SPIDR: variants seen among roughly 807,000 people sequenced by gnomAD.
SPIDR encodes scaffold protein involved in DNA repair.
A neutral mutation model predicts 104.6 loss-of-function variants in SPIDR; 93 were observed. The ratio of observed to expected loss-of-function variants is 0.89; its 90% CI spans 0.75 to 1.06. The LOEUF is 1.06. Among genes scored for constraint, SPIDR ranks in the 50% least tolerant of loss-of-function variants. The pLI is 0.00. For missense variants in SPIDR, 1,154 were observed against 1,111.2 expected (o/e 1.04, Z -0.55); for synonymous variants, 431 against 416.9 (o/e 1.03, Z -0.41).
chr8:47,674,092 CT>C, intron 11 of SPIDR, 151 bp downstream of exon 11: 1 of 868,008 alleles, frequency 1.2e-6, no homozygotes, highest in South Asian at 2.2e-5. Context: ...TGAGTGGAAT[CT>C]ATAAAGTATC....
Position 47,279,871 on chromosome 8 carries a change from A to T in SPIDR, c.43A>T (p.Ser15Cys). 1 of 1,608,744 alleles carries T rather than the reference A, an allele frequency of 6.2e-7. No individual in the cohort carries two copies. The highest frequency in any genetic ancestry group is 8.5e-7 in the Non-Finnish European group (1 of 1,177,380). Residue 15 changes from serine to cysteine, a missense_variant, in exon 2 of 20, where the codon AGT becomes TGT. By Grantham distance (112) the Ser-to-Cys change is moderately radical (BLOSUM62 -1). Transcript: ENST00000297423. ...SRARGSKRKR[S>C]WNTECPSFPG... The stretch of plus-strand genomic sequence containing the variant: ...AAAATCATCTCCACAGAGAAAAAGG[A>T]GTTGGAATACAGAATGCCCATCCTT...
At chr8:47,350,971 A>G (rs1301594319) in intron 5 of SPIDR, among the ~76,000 whole-genome samples, 1 of 152,102 alleles carries the variant, frequency 6.6e-6, no homozygotes, top group African/African-American at 2.4e-5. Context: ...ATTCTGTCTC[A>G]TCTGGGACAT....
intron 8 of SPIDR, among the ~76,000 whole-genome samples, chr8:47,461,175 T>A (rs1554713286): frequency 6.6e-6 from 1 of 152,264 alleles, no homozygotes. Flanking sequence ...TTCGTTCTTG[T>A]ATTTGGATGT....
intron 5 of SPIDR, among the ~76,000 whole-genome samples, chr8:47,346,599 G>T (rs2052106388): frequency 6.6e-6 from 1 of 152,066 alleles, no homozygotes; most frequent in African/African-American, 2.4e-5. Context: ...TCTGGTCCTG[G>T]ACTTTTTTTG....
At chr8:47,540,436 TA>T (rs1250000776) in intron 8 of SPIDR, among the ~76,000 whole-genome samples, 9 of 152,232 alleles carry the variant, frequency 5.9e-5, no homozygotes, top group Admixed American at 5.9e-4. Flanking sequence ...AAACTTATTT[TA>T]CCAGGAAAAG....
chr8:47,530,471 C>G (rs1247780655), intron 8 of SPIDR, among the ~76,000 whole-genome samples: 1 of 151,652 alleles, frequency 6.6e-6, no homozygotes, highest in African/African-American at 2.4e-5. Context: ...CCTTTAGAAC[C>G]ATGGTGTCAG....
chr8:47,465,935 A>G (rs1442860787), intron 8 of SPIDR, among the ~76,000 whole-genome samples: 1 of 152,220 alleles, frequency 6.6e-6, no homozygotes, highest in Non-Finnish European at 1.5e-5. Context: ...GAATCACATT[A>G]CATAATGGTA....
intron 8 of SPIDR, among the ~76,000 whole-genome samples, chr8:47,488,744 C>CA (rs554694125): frequency 9.2e-5 from 14 of 152,136 alleles, no homozygotes; most frequent in Non-Finnish European, 1.6e-4. Flanking sequence ...GAACCAAAGA[C>CA]AAAAACCACA....
intron 7 of SPIDR, among the ~76,000 whole-genome samples, chr8:47,433,205 G>T (rs2067668462): frequency 6.6e-6 from 1 of 151,994 alleles, no homozygotes; most frequent in Non-Finnish European, 1.5e-5. Context: ...TCTAGAATCT[G>T]AGCATTTCTT....
chr8:47,274,985 C>T (rs1182484694), intron 1 of SPIDR, among the ~76,000 whole-genome samples: 2 of 151,640 alleles, frequency 1.3e-5, no homozygotes, highest in East Asian at 2.0e-4. Context: ...ATAGGCCCAG[C>T]GCGGTGGCTC....
chr8:47,298,977 C>G (rs1373762011), intron 5 of SPIDR, among the ~76,000 whole-genome samples: 1 of 152,112 alleles, frequency 6.6e-6, no homozygotes, highest in Non-Finnish European at 1.5e-5. Context: ...GTAGTTTTTT[C>G]CAATTCTGTG....
At chr8:47,549,367 C>T (rs898548955) in intron 8 of SPIDR, among the ~76,000 whole-genome samples, 1 of 152,174 alleles carries the variant, frequency 6.6e-6, no homozygotes, top group South Asian at 2.1e-4. Flanking sequence ...AATAGTTGAA[C>T]TAGTTTACAG....
At chr8:47,631,748 A>G (rs2067104833) in intron 10 of SPIDR, among the ~76,000 whole-genome samples, 1 of 152,218 alleles carries the variant, frequency 6.6e-6, no homozygotes, top group Admixed American at 6.5e-5. Context: ...GGCCAGTGAA[A>G]TACAGCTCCT....
chr8:47,601,112 T>C (rs989125515), intron 10 of SPIDR, among the ~76,000 whole-genome samples: 4 of 152,168 alleles, frequency 2.6e-5, no homozygotes. Context: ...TGGTGACATA[T>C]CTAATGAGAA....
intron 11 of SPIDR, among the ~76,000 whole-genome samples, chr8:47,683,908 C>T (rs976835587): frequency 2.6e-5 from 4 of 151,890 alleles, no homozygotes; most frequent in Admixed American, 2.0e-4. Context: ...GGGTGGATCA[C>T]GAGGTCAGGA....
chr8:47,402,217 A>G (rs1332321607), intron 6 of SPIDR, among the ~76,000 whole-genome samples: 1 of 152,204 alleles, frequency 6.6e-6, no homozygotes, highest in Non-Finnish European at 1.5e-5. Flanking sequence ...GTGTAGAGGG[A>G]AATTTATAGC....
intron 7 of SPIDR, among the ~76,000 whole-genome samples, chr8:47,409,117 C>T (rs560023250): frequency 2.1e-4 from 32 of 152,244 alleles, no homozygotes; most frequent in Middle Eastern, 3.4e-3. Context: ...ACCCAGGAGG[C>T]GGAGTCTTCA....
chr8:47,517,077 C>A (rs2083280249), intron 8 of SPIDR, among the ~76,000 whole-genome samples: 2 of 152,054 alleles, frequency 1.3e-5, no homozygotes, highest in African/African-American at 4.8e-5. Flanking sequence ...CTCTGCCTCC[C>A]AGGTTCAAGC....
intron 8 of SPIDR, among the ~76,000 whole-genome samples, chr8:47,450,494 G>T (rs1040850810): frequency 4.6e-5 from 7 of 152,112 alleles, no homozygotes; most frequent in Admixed American, 6.5e-5. Flanking sequence ...CTATAGCAGG[G>T]TGTTCATAGA....
Sources: gnomAD v4.1 joint callset for allele counts (sites outside exome capture counted in the v4.1 genomes callset) on GRCh38, gnomAD v4.1.1 for gene constraint, MANE v1.5 for transcripts, NCBI Gene and HGNC (gene_info 2026-07-23, HGNC 2026-07-21) for gene names.